The following RABL2B variants were observed in gnomAD, a reference collection of about 807,000 sequenced individuals.
RABL2B encodes rab-like protein 2B.
A neutral mutation model predicts 26.7 loss-of-function variants in RABL2B; 17 were observed. The ratio of observed to expected loss-of-function variants is 0.64; its 90% CI spans 0.44 to 0.95. The LOEUF is 0.95. Ranked by LOEUF, RABL2B falls within the 40% of genes least tolerant of loss-of-function variation. The probability of loss-of-function intolerance (pLI) is 0.00; values close to 1 mark genes in which losing one functional copy is unlikely to be tolerated. For missense variants in RABL2B, 170 were observed against 277.2 expected (o/e 0.61, Z 2.75); for synonymous variants, 70 against 103.9 (o/e 0.67, Z 1.99).
In RABL2B at chr22:50,768,395, G is replaced by C. The variant is rs1219411273; in HGVS notation, c.*381C>G. The C allele has an allele frequency of 2.5e-4, 77 of 306,838 alleles. No homozygotes were observed. Among genetic ancestry groups the C allele is most frequent in the Non-Finnish European group, 4.4e-4 (70 of 160,824 alleles). The allele number at this position is 306,838 out of a possible 1,614,324, so 19.0% of individuals were successfully genotyped here. A position where few individuals can be genotyped will look rare whatever the true frequency, so the allele number is the denominator to read the frequency against. On this transcript the variant is annotated 3_prime_UTR_variant, in exon 9 of 9. Transcript: ENST00000691320. The stretch of plus-strand genomic sequence containing the variant: ...AGAAGCCCAAGGAATTGTCCCCGAG[G>C]TGAGCTTTGGAAAGAAAACAAAAAC...
chr22:50,776,891 C>G, intron 3 of RABL2B, 142 bp from the exon 4 acceptor site: 1 of 1,457,524 alleles, frequency 6.9e-7, no homozygotes, highest in Non-Finnish European at 9.2e-7. Flanking sequence ...ATGAATGTTG[C>G]AGACAGAGGA....
rs2146956788 is a variant in RABL2B at position 50,769,989 on chromosome 22, A to G, written c.325T>C (p.Tyr109His). 1.2e-6 allele frequency: 2 copies of G among 1,613,838 alleles called. No individual in the cohort carries two copies. Among genetic ancestry groups the G allele is most frequent in the South Asian group, 1.1e-5 (1 of 91,064 alleles). ...GTATACCAGGTGCTCAGGTTCCTATAGGTGACTTTCCTCTGTACATCAAAC... is the reference window on the plus strand; with the variant it reads ...GTATACCAGGTGCTCAGGTTCCTATGGGTGACTTTCCTCTGTACATCAAAC... ...MVFDVQRKVT[Y>H]RNLSTWYTEL... is the part of the protein sequence containing the mutation. The change falls in exon 6 of 9, where the codon TAT becomes CAT. Residue 109 changes from tyrosine (Y) to histidine (H), a missense_variant. Around this residue, in one of 2 missense-constraint regions of RABL2B, gnomAD observed 165 missense variants for 232.0 expected, o/e 0.71. Transcript: ENST00000691320.
chr22:50,779,386 AT>A (rs2085456541), intron 2 of RABL2B, among the ~76,000 whole-genome samples: 1 of 149,976 alleles, frequency 6.7e-6, no homozygotes, highest in Non-Finnish European at 1.5e-5. Context: ...TCCCAAAAAT[AT>A]TTAGAGTAGG....
At chr22:50,772,740 C>T (rs1214813261) in intron 5 of RABL2B, 3 of 1,082,078 alleles carry the variant, frequency 2.8e-6, no homozygotes, top group Non-Finnish European at 3.4e-6. Context: ...ATGAAGACTC[C>T]TTATAAAGGA....
In RABL2B at chr22:50,767,877, T is replaced by G; in HGVS notation, c.*899A>C. On this transcript the variant is annotated 3_prime_UTR_variant, in exon 9 of 9. Transcript: ENST00000691320. ...CACCTGCTGTTCCTGTGATCTCAGC[T>G]TTACCTAGAAGAGCTCCTGAAACAG... The G allele has an allele frequency of 1.0e-5, 4 of 385,260 alleles. No individual in the cohort carries two copies. The highest frequency in any genetic ancestry group is 6.8e-5 in the Admixed American group (2 of 29,296). 23.9% of individuals were successfully genotyped at this position (385,260 alleles called of 1,614,324 possible). A position where few individuals can be genotyped will look rare whatever the true frequency, so the allele number is the denominator to read the frequency against.
chr22:50,777,555 C>A (rs369092156), intron 3 of RABL2B: 362 of 282,878 alleles, frequency 1.3e-3, no homozygotes, highest in Middle Eastern at 4.7e-3. Flanking sequence ...TCCTATTTTA[C>A]AAAGTTCATT....
intron 2 of RABL2B, chr22:50,780,829 G>A: frequency 2.3e-6 from 1 of 440,042 alleles, no homozygotes; most frequent in Non-Finnish European, 4.7e-6. Context: ...TTGAACTTGG[G>A]AGCTGGGTAT....
In RABL2B at chr22:50,769,555, G is replaced by A. The variant is rs781961192; in HGVS notation, c.410-3C>T. On this transcript the variant is annotated splice_region_variant and splice_polypyrimidine_tract_variant and intron_variant, in intron 6 of 8. Transcript: ENST00000691320. The stretch of plus-strand genomic sequence containing the variant: ...TTTTTGGGTCACGTTTATGTCTGCT[G>A]TAGAGAGAAGGTAGGACATTGGTCT... The A allele has an allele frequency of 1.9e-6, 3 of 1,610,828 alleles. No homozygotes were observed. Among genetic ancestry groups the A allele is most frequent in the South Asian group, 2.2e-5 (2 of 91,038 alleles).
intron 4 of RABL2B, 43 bp downstream of exon 4, chr22:50,776,627 C>G: frequency 6.4e-7 from 1 of 1,571,190 alleles, no homozygotes; most frequent in Non-Finnish European, 8.6e-7. Flanking sequence ...CTCCCATTTC[C>G]TCTTTCCTGA....
In RABL2B at chr22:50,768,463, A is replaced by G. The variant is rs2083684546; in HGVS notation, c.*313T>C. 2.2e-6 allele frequency: 1 copy of G among 464,356 alleles called. No individual in the cohort carries two copies. The highest frequency in any genetic ancestry group is 3.7e-5 in the Admixed American group (1 of 26,840). The allele number at this position is 464,356 out of a possible 1,614,324, so 28.8% of individuals were successfully genotyped here. A position where few individuals can be genotyped will look rare whatever the true frequency, so the allele number is the denominator to read the frequency against. The stretch of plus-strand genomic sequence containing the variant: ...AAAACACCTAAATTTCCTGTATTAA[A>G]GTGACACATAATCATGTTTTCTGAT... On this transcript the variant is annotated 3_prime_UTR_variant, in exon 9 of 9. Coordinates refer to ENST00000691320, the MANE Select transcript of RABL2B (RefSeq NM_001130919.3).
intron 2 of RABL2B, among the ~76,000 whole-genome samples, chr22:50,781,212 C>T (rs535896363): frequency 3.1e-4 from 47 of 152,076 alleles, no homozygotes; most frequent in African/African-American, 8.0e-4. Context: ...GGTGTGGTGG[C>T]AGGCGCCTGT....
At chr22:50,771,829 T>G (rs540280997) in intron 5 of RABL2B, 1 of 151,928 alleles carries the variant, frequency 6.6e-6, no homozygotes, top group East Asian at 1.9e-4. Context: ...AGGCTGGTCT[T>G]GGACTCCCGG....
intron 5 of RABL2B, chr22:50,772,045 C>G (rs1253509453): frequency 1.3e-5 from 2 of 151,366 alleles, no homozygotes; most frequent in South Asian, 4.2e-4. Context: ...TGCTCTGTTG[C>G]CCAGGCTAGA....
Position 50,768,567 on chromosome 22 carries a change from C to T in RABL2B, c.*209G>A, listed in dbSNP as rs1487353685. ...ATCCCTACTTCTGCTTCAAGGAGAT[C>T]TGGTGGGGAATTCTTCCACCAGTCC... On this transcript the variant is annotated 3_prime_UTR_variant, in exon 9 of 9. Coordinates refer to ENST00000691320, the MANE Select transcript of RABL2B (RefSeq NM_001130919.3). 2.2e-5 allele frequency: 26 copies of T among 1,206,830 alleles called. No homozygotes were observed. The African/African-American group carries it at 3.9e-4, about 18-fold the overall frequency. The allele number at this position is 1,206,830 out of a possible 1,614,324, so 74.8% of individuals were successfully genotyped here. A position where few individuals can be genotyped will look rare whatever the true frequency, so the allele number is the denominator to read the frequency against.
chr22:50,767,953 G>C lies in RABL2B; in HGVS notation c.*823C>G. The C allele has an allele frequency of 3.1e-6, 1 of 322,116 alleles. No homozygotes were observed. Among genetic ancestry groups the C allele is most frequent in the South Asian group, 2.2e-5 (1 of 44,454 alleles). The allele number at this position is 322,116 out of a possible 1,614,324, so 20.0% of individuals were successfully genotyped here. ...AATAGCTATCTGCTCAAAAACGATT[G>C]TTTAAAAACAGATGATTGGGGCCGG... is the stretch of plus-strand genomic sequence containing the variant. On this transcript the variant is annotated 3_prime_UTR_variant, in exon 9 of 9. Transcript: ENST00000691320.
intron 1 of RABL2B, chr22:50,782,897 G>T (rs1467580788): frequency 7.2e-6 from 1 of 139,846 alleles, no homozygotes; most frequent in Non-Finnish European, 1.5e-5. Flanking sequence ...ATACCAACAG[G>T]GCCCCCGAGT....
chr22:50,775,079 A>G (rs1555922299), intron 5 of RABL2B, among the ~76,000 whole-genome samples: 1 of 152,186 alleles, frequency 6.6e-6, no homozygotes, highest in African/African-American at 2.4e-5. Flanking sequence ...GTGCCCAGCC[A>G]TGAAAATGTT....
chr22:50,769,411 C>T, intron 7 of RABL2B, 44 bp downstream of exon 7: 1 of 1,610,406 alleles, frequency 6.2e-7, no homozygotes, highest in Non-Finnish European at 8.5e-7. Flanking sequence ...CCCTTTACCA[C>T]CTAGCGCCCT....
intron 2 of RABL2B, among the ~76,000 whole-genome samples, chr22:50,779,835 G>T (rs1287724602): frequency 6.6e-6 from 1 of 152,026 alleles, no homozygotes; most frequent in Non-Finnish European, 1.5e-5. Context: ...AAAAAAATTA[G>T]CTAGGCATGG....
Sources: allele counts gnomAD v4.1 joint callset (sites outside exome capture counted in the v4.1 genomes callset), GRCh38; gene constraint gnomAD v4.1.1; regional missense constraint gnomAD v4.1.1; transcripts MANE v1.5; gene names NCBI Gene and HGNC (gene_info 2026-07-23, HGNC 2026-07-21).